Variants in ATP6V0E1 observed in about 807,000 individuals in gnomAD.
ATP6V0E1 encodes the protein V-type proton ATPase subunit e 1.
A neutral mutation model predicts 11.6 loss-of-function variants in ATP6V0E1; 4 were observed. That is an observed-to-expected ratio of 0.35 (90% confidence interval 0.17 to 0.79). ATP6V0E1 has a LOEUF of 0.79. ATP6V0E1 is among the 30% of genes least tolerant of loss of function. ATP6V0E1 has a pLI of 0.54. For synonymous variants in ATP6V0E1, 36 were observed against 34.8 expected (o/e 1.04, Z -0.13); for missense variants, 105 against 100.0 (o/e 1.05, Z -0.21).
chr5:172,992,323 T>C (rs990851317), intron 1 of ATP6V0E1, among the ~76,000 whole-genome samples: 1 of 152,244 alleles, frequency 6.6e-6, no homozygotes, highest in African/African-American at 2.4e-5. Flanking sequence ...AGTGCCGGGA[T>C]TGCAGGCGTG....
rs191300243 is a variant in ATP6V0E1, at chr5:173,023,462, C to T, written c.*36+3095C>T. 2.6e-5 allele frequency among the ~76,000 whole-genome samples: 4 copies of T among 152,360 alleles called. No individual in the cohort carries two copies. In the East Asian group the frequency reaches 7.7e-4, roughly 29 times the overall value. On this transcript the variant is annotated intron_variant, in intron 3 of 3. Transcript: ENST00000519374. ...CCACCCGCCTAGGCCTCCCAAAATA[C>T]TGGGATTATAGGCGTAAGCCACCAT...
rs1477936158 is a variant in ATP6V0E1 at position 173,026,781 on chromosome 5, C to T, written c.*36+6414C>T. On this transcript the variant is annotated intron_variant, in intron 3 of 3. Coordinates refer to ENST00000519374, the MANE Select transcript of ATP6V0E1 (RefSeq NM_003945.4). ...TTTTTGCTGATGATCTTTAATGTAG[C>T]CTCCTTGAAAATGCAATCTCTGGTT... 2.6e-5 allele frequency among the ~76,000 whole-genome samples: 4 copies of T among 152,114 alleles called. No homozygotes were observed. In the East Asian group the frequency reaches 7.7e-4, roughly 29 times the overall value.
chr5:172,997,166 G>C (rs1169919199), intron 2 of ATP6V0E1, among the ~76,000 whole-genome samples: 1 of 152,090 alleles, frequency 6.6e-6, no homozygotes, highest in Non-Finnish European at 1.5e-5. Context: ...AAACATACCA[G>C]TGAGAATCAA....
intron 2 of ATP6V0E1, among the ~76,000 whole-genome samples, chr5:173,016,771 C>G (rs538561499): frequency 3.5e-4 from 53 of 152,098 alleles, no homozygotes; most frequent in Admixed American, 7.2e-4. Context: ...TCAGTGTGTC[C>G]GCCTGTGCTG....
chr5:173,012,666 A>G (rs1433152735), intron 2 of ATP6V0E1, among the ~76,000 whole-genome samples: 1 of 151,950 alleles, frequency 6.6e-6, no homozygotes, highest in Non-Finnish European at 1.5e-5. Flanking sequence ...AGGCAGGAGA[A>G]TCGCTTGAAC....
intron 1 of ATP6V0E1, among the ~76,000 whole-genome samples, chr5:172,987,498 G>A (rs1755914276): frequency 6.6e-6 from 1 of 151,940 alleles, no homozygotes; most frequent in Non-Finnish European, 1.5e-5. Context: ...TGGACAGGCT[G>A]GTCTTGAACT....
At chr5:173,022,138 A>G (rs1305540630) in intron 3 of ATP6V0E1, among the ~76,000 whole-genome samples, 1 of 152,266 alleles carries the variant, frequency 6.6e-6, no homozygotes, top group African/African-American at 2.4e-5. Context: ...GCCGAGAGTC[A>G]GGAAACCTCT....
intron 2 of ATP6V0E1, among the ~76,000 whole-genome samples, chr5:172,998,565 C>T (rs944049788): frequency 2.7e-5 from 4 of 146,460 alleles, no homozygotes; most frequent in African/African-American, 5.1e-5. Flanking sequence ...GAGCCAAGAT[C>T]GCTCCACTGC....
rs964449424 is a variant in ATP6V0E1, at chr5:173,034,475, C to T, written c.*113C>T. 2.8e-6 allele frequency: 2 copies of T among 702,464 alleles called. No individual in the cohort carries two copies. Among genetic ancestry groups the T allele is most frequent in the Non-Finnish European group, 5.2e-6 (2 of 384,586 alleles). 43.5% of individuals were successfully genotyped at this position (702,464 alleles called of 1,614,324 possible). A position where few individuals can be genotyped will look rare whatever the true frequency, so the allele number is the denominator to read the frequency against. Reference sequence around the variant, plus strand: ...ACTTTTCTTGACTTGCCTGTTTTGGCCATTAGCTGCCTTAAACGTTAACAG... The same window carrying T: ...ACTTTTCTTGACTTGCCTGTTTTGGTCATTAGCTGCCTTAAACGTTAACAG... On this transcript the variant is annotated 3_prime_UTR_variant, in exon 4 of 4. Transcript: ENST00000519374.
At chr5:172,985,201 C>T (rs112725413) in intron 1 of ATP6V0E1, among the ~76,000 whole-genome samples, 9,532 of 148,684 alleles carry the variant, frequency 0.064, 341 homozygotes, top group South Asian at 0.14. Context: ...GCCGAGATCG[C>T]GCCACTGCAC....
chr5:172,986,733 G>A, intron 1 of ATP6V0E1: 1 of 452,428 alleles, frequency 2.2e-6, no homozygotes, highest in South Asian at 1.5e-5. Context: ...CCAAGAAGCA[G>A]GCCAAGGAGA....
chr5:173,006,390 C>CAT (rs1756230549), intron 2 of ATP6V0E1, among the ~76,000 whole-genome samples: 1 of 151,784 alleles, frequency 6.6e-6, no homozygotes, highest in Non-Finnish European at 1.5e-5. Flanking sequence ...GCAGGTGGAT[C>CAT]ATGAGGTCAG....
At chr5:173,015,946 G>A (rs1344073263) in intron 2 of ATP6V0E1, among the ~76,000 whole-genome samples, 9 of 152,046 alleles carry the variant, frequency 5.9e-5, no homozygotes, top group East Asian at 3.9e-4. Flanking sequence ...GGCTGATCTC[G>A]AACTCCTGGG....
intron 3 of ATP6V0E1, among the ~76,000 whole-genome samples, chr5:173,026,515 A>G (rs1422421318): frequency 2.0e-5 from 3 of 152,234 alleles, no homozygotes; most frequent in Admixed American, 6.5e-5. Context: ...GCAAATACAT[A>G]TATTCATTCA....
At position 173,034,655 on chromosome 5, in the gene ATP6V0E1, C is replaced by A. The variant is rs1368941928; in HGVS notation, c.*293C>A. 2 of 538,610 alleles carry A rather than the reference C, an allele frequency of 3.7e-6. No homozygotes were observed. Among genetic ancestry groups the A allele is most frequent in the Non-Finnish European group, 6.7e-6 (2 of 298,044 alleles). 33.4% of individuals were successfully genotyped at this position (538,610 alleles called of 1,614,324 possible). ...GAAGATGCTGTTCTTCTGAGAGATA[C>A]GTTACTCTCTCCTTGGAATCTGTGG... On this transcript the variant is annotated 3_prime_UTR_variant, in exon 4 of 4. Transcript: ENST00000519374.
chr5:173,026,290 C>T (rs192971589), intron 3 of ATP6V0E1, among the ~76,000 whole-genome samples: 19 of 152,274 alleles, frequency 1.2e-4, no homozygotes, highest in Admixed American at 3.3e-4. Context: ...GCCACTATGT[C>T]CGGCCTGTAA....
intron 2 of ATP6V0E1, among the ~76,000 whole-genome samples, chr5:173,001,615 GT>G (rs1476277716): frequency 5.3e-5 from 8 of 152,116 alleles, no homozygotes; most frequent in African/African-American, 1.9e-4. Flanking sequence ...ACCACACGTG[GT>G]GGCTCACGCC....
chr5:173,000,261 A>G (rs1208173824), intron 2 of ATP6V0E1, among the ~76,000 whole-genome samples: 1 of 152,176 alleles, frequency 6.6e-6, no homozygotes. Context: ...GTTTCTGTTA[A>G]TAGTTCAGCA....
intron 2 of ATP6V0E1, 89 bp from the exon 3 acceptor site, chr5:173,020,149 G>C: frequency 1.9e-6 from 2 of 1,032,488 alleles, no homozygotes; most frequent in Non-Finnish European, 3.0e-6. Flanking sequence ...TTTAAGTTTT[G>C]CTAGTGTACT....
Sources: allele counts gnomAD v4.1 joint callset (sites outside exome capture counted in the v4.1 genomes callset), GRCh38; gene constraint gnomAD v4.1.1; transcripts MANE v1.5; gene names NCBI Gene and HGNC (gene_info 2026-07-23, HGNC 2026-07-21).